Variants in PLOD2 observed in about 807,000 individuals in gnomAD.
PLOD2 encodes the protein lysine hydroxylase 2.
In PLOD2, 65 loss-of-function variants were observed where a neutral mutation model predicts 101.0. The ratio of observed to expected loss-of-function variants is 0.64; its 90% CI spans 0.53 to 0.79. The LOEUF is 0.79. PLOD2 is among the 30% of genes least tolerant of loss of function. The probability of loss-of-function intolerance (pLI) is 0.00; values close to 1 mark genes in which losing one functional copy is unlikely to be tolerated. For synonymous variants in PLOD2, 314 were observed against 302.9 expected (o/e 1.04, Z -0.38); for missense variants, 909 against 914.6 (o/e 0.99, Z 0.08).
rs1431219830 is a variant in PLOD2 at position 146,085,155 on chromosome 3, AT to A, written c.1232+13del. On this transcript the variant is annotated intron_variant, in intron 11 of 19. Coordinates refer to ENST00000282903, the MANE Select transcript of PLOD2 (RefSeq NM_182943.3). ...CATTTTAACAATAAATTGATATCGA[AT>A]TTTAGAAAGTACCTGTTTTGTTCAA... 1 of 1,164,504 alleles carries A rather than the reference AT, an allele frequency of 8.6e-7. No homozygotes were observed. Among genetic ancestry groups the A allele is most frequent in the East Asian group, 2.3e-5 (1 of 42,734 alleles). The allele number at this position is 1,164,504 out of a possible 1,614,324, so 72.1% of individuals were successfully genotyped here.
chr3:146,133,132 C>G (rs551972349), intron 1 of PLOD2, among the ~76,000 whole-genome samples: 2 of 152,042 alleles, frequency 1.3e-5, no homozygotes, highest in African/African-American at 4.8e-5. Context: ...GCGGAGATCA[C>G]GCCACTGCAT....
At chr3:146,093,836 A>AT (rs1186304607) in intron 7 of PLOD2, among the ~76,000 whole-genome samples, 1 of 152,232 alleles carries the variant, frequency 6.6e-6, no homozygotes, top group Non-Finnish European at 1.5e-5. Flanking sequence ...ATGTTAGAGC[A>AT]TAAAAGACAG....
chr3:146,102,851 A>T lies in PLOD2; in HGVS notation c.681T>A (p.Asp227Glu). The T allele has an allele frequency of 6.6e-7, 1 of 1,524,610 alleles. No homozygotes were observed. Among genetic ancestry groups the T allele is most frequent in the East Asian group, 2.3e-5 (1 of 44,370 alleles). The allele number at this position is 1,524,610 out of a possible 1,614,324, so 94.4% of individuals were successfully genotyped here. The change falls in exon 7 of 20, where the codon GAT (aspartate) becomes GAA (glutamate). Residue 227 changes from aspartate (D) to glutamate (E), a missense_variant and splice_region_variant. Asp to Glu is a conservative substitution (Grantham distance 45). Transcript: ENST00000282903. ...KIFQTLNGAV[D>E]EVVLKFENGK... The stretch of plus-strand genomic sequence containing the variant: ...CATTTTCAAATTTTAAAACAACTTC[A>T]TCTGGGTTAAAAAGAGAAAATAGGC...
Position 146,110,405 on chromosome 3 carries a change from T to G in PLOD2, c.382A>C (p.Lys128Gln). 6.2e-7 allele frequency: 1 copy of G among 1,613,672 alleles called. No homozygotes were observed. Among genetic ancestry groups the G allele is most frequent in the Non-Finnish European group, 8.5e-7 (1 of 1,179,788 alleles). ...ACTTTGTGGTTTGCCTTTTGGAATT[T>G]TTTTAGAACTTCTTCTGGACCACCA... The part of the protein sequence containing the change: ...FAGGPEEVLK[K>Q]FQKANHKVVF... The change falls in exon 4 of 20, where the codon AAA becomes CAA. Residue 128 changes from lysine (K) to glutamine (Q), a missense_variant. Lys to Gln is a moderately conservative substitution (Grantham distance 53, BLOSUM62 1). Coordinates refer to ENST00000282903, the MANE Select transcript of PLOD2 (RefSeq NM_182943.3).
chr3:146,080,573 T>A (rs1936502771), intron 12 of PLOD2, among the ~76,000 whole-genome samples: 1 of 152,012 alleles, frequency 6.6e-6, no homozygotes, highest in Admixed American at 6.6e-5. Flanking sequence ...ACATGAAGTG[T>A]ATTCCAGATC....
intron 1 of PLOD2, among the ~76,000 whole-genome samples, chr3:146,149,771 TTC>T (rs1402502711): frequency 6.6e-6 from 1 of 152,142 alleles, no homozygotes; most frequent in African/African-American, 2.4e-5. Context: ...GGCTAAATAC[TTC>T]TGTTAATATT....
intron 12 of PLOD2, among the ~76,000 whole-genome samples, chr3:146,079,591 A>C (rs998432821): frequency 3.3e-5 from 5 of 151,976 alleles, no homozygotes; most frequent in African/African-American, 1.2e-4. Flanking sequence ...TTTAAAATTA[A>C]AGAATTTGAT....
intron 7 of PLOD2, among the ~76,000 whole-genome samples, chr3:146,099,985 A>C (rs1937330359): frequency 6.7e-6 from 1 of 149,464 alleles, no homozygotes; most frequent in Non-Finnish European, 1.5e-5. Context: ...GGTTGAAGCG[A>C]TTCTCCTGCC....
intron 13 of PLOD2, 131 bp from the exon 14 acceptor site, chr3:146,078,055 C>T: frequency 1.4e-6 from 1 of 720,044 alleles, no homozygotes; most frequent in South Asian, 1.5e-5. Flanking sequence ...AGACAACATG[C>T]AGAACAAGCA....
At chr3:146,132,276 T>A (rs2030959694) in intron 1 of PLOD2, among the ~76,000 whole-genome samples, 1 of 151,998 alleles carries the variant, frequency 6.6e-6, no homozygotes, top group African/African-American at 2.4e-5. Context: ...CTGGAATGAG[T>A]TGGTCACCAT....
At chr3:146,124,507 G>T (rs757278703) in intron 1 of PLOD2, among the ~76,000 whole-genome samples, 49 of 151,998 alleles carry the variant, frequency 3.2e-4, no homozygotes, top group Non-Finnish European at 6.0e-4. Context: ...TCAATATTGA[G>T]AAAAACTTCC....
intron 1 of PLOD2, among the ~76,000 whole-genome samples, chr3:146,149,171 C>T (rs1485124680): frequency 6.6e-6 from 1 of 152,192 alleles, no homozygotes; most frequent in Non-Finnish European, 1.5e-5. Context: ...AAAGCAACTT[C>T]CCTTCCTCTA....
chr3:146,121,099 G>A lies in PLOD2; in HGVS notation c.338+13C>T, dbSNP rs770859330. 3 of 1,551,774 alleles carry A rather than the reference G, an allele frequency of 1.9e-6. No individual in the cohort carries two copies. Among genetic ancestry groups the A allele is most frequent in the South Asian group, 2.2e-5 (2 of 89,830 alleles). ...GAATATAGATTTTAAAATCCACAGGGTGTTTCTCCTACCATTCAGTAAACA... is the reference window on the plus strand; with the variant it reads ...GAATATAGATTTTAAAATCCACAGGATGTTTCTCCTACCATTCAGTAAACA... On this transcript the variant is annotated intron_variant, in intron 3 of 19. Coordinates refer to ENST00000282903, the MANE Select transcript of PLOD2 (RefSeq NM_182943.3).
chr3:146,141,141 T>C (rs768244923), intron 1 of PLOD2, among the ~76,000 whole-genome samples: 23 of 152,102 alleles, frequency 1.5e-4, no homozygotes, highest in Non-Finnish European at 2.9e-4. Flanking sequence ...ATGGCTTTCC[T>C]ACCTTTAATT....
At chr3:146,116,270 C>G (rs951842900) in intron 3 of PLOD2, among the ~76,000 whole-genome samples, 2 of 152,036 alleles carry the variant, frequency 1.3e-5, no homozygotes, top group African/African-American at 4.8e-5. Context: ...CACAGACACA[C>G]ACACGCACAC....
intron 2 of PLOD2, among the ~76,000 whole-genome samples, chr3:146,121,578 T>C (rs373154378): frequency 1.3e-5 from 2 of 152,144 alleles, no homozygotes; most frequent in South Asian, 4.1e-4. Context: ...TGAATAAATT[T>C]CCCATATCAC....
intron 7 of PLOD2, among the ~76,000 whole-genome samples, chr3:146,098,092 C>T (rs1937267541): frequency 6.6e-6 from 1 of 152,144 alleles, no homozygotes; most frequent in Non-Finnish European, 1.5e-5. Context: ...AGGACAAATA[C>T]ATAATGCATG....
At chr3:146,139,850 G>A (rs2108122821) in intron 1 of PLOD2, among the ~76,000 whole-genome samples, 1 of 152,202 alleles carries the variant, frequency 6.6e-6, no homozygotes, top group Admixed American at 6.5e-5. Context: ...TACTGTTGAA[G>A]AATGTCACTG....
rs1270238695 is a variant in PLOD2 at position 146,097,143 on chromosome 3, C to T, written c.778-5242G>A. Among the ~76,000 whole-genome samples the T allele has an allele frequency of 3.4e-5, 5 of 147,316 alleles. No homozygotes were observed. In the South Asian group the frequency reaches 8.7e-4, roughly 26 times the overall value. On this transcript the variant is annotated intron_variant, in intron 7 of 19. Transcript: ENST00000282903. The stretch of plus-strand genomic sequence containing the variant: ...GAGGGAGGTGGGGGGGTCAGCCCCC[C>T]GCCCGGCCAGCCGCCCAGTCCGGGA...
Sources: gnomAD v4.1 joint callset for allele counts (sites outside exome capture counted in the v4.1 genomes callset) on GRCh38, gnomAD v4.1.1 for gene constraint, MANE v1.5 for transcripts, NCBI Gene and HGNC (gene_info 2026-07-23, HGNC 2026-07-21) for gene names.